EFNA5: variants seen among roughly 807,000 people sequenced by gnomAD.
EFNA5 encodes ephrin A5.
In EFNA5, 5 loss-of-function variants were observed where a neutral mutation model predicts 22.9. That is an observed-to-expected ratio of 0.22 (90% CI 0.11 to 0.46). The LOEUF (loss-of-function observed/expected upper bound fraction) is 0.46, where lower values mean the gene tolerates loss of function less well. EFNA5 is among the 20% of genes least tolerant of loss of function. The pLI is 0.99. For missense variants in EFNA5, 237 were observed against 293.3 expected (o/e 0.81, Z 1.40); for synonymous variants, 113 against 112.2 (o/e 1.01, Z -0.04).
At chr5:107,632,589 T>C (rs1750279048) in intron 1 of EFNA5, among the ~76,000 whole-genome samples, 1 of 152,180 alleles carries the variant, frequency 6.6e-6, no homozygotes, top group South Asian at 2.1e-4. Context: ...TTCATCTTTA[T>C]TATTCTAGTT....
Position 107,541,705 on chromosome 5 carries a change from C to A in EFNA5, c.126-114196G>T, listed in dbSNP as rs115094104. On this transcript the variant is annotated intron_variant, in intron 1 of 4. Transcript: ENST00000333274. The stretch of plus-strand genomic sequence containing the variant: ...AAACTGAAATGAGGAAAAAAAATTT[C>A]TTTTGAAGTAGCCCAAAGCTTAACT... 6.3e-3 allele frequency among the ~76,000 whole-genome samples: 963 copies of A among 152,224 alleles called. 13 individuals carry two copies. Among genetic ancestry groups the A allele is most frequent in the African/African-American group, 0.022 (905 of 41,534 alleles).
chr5:107,548,209 A>T (rs1433041892), intron 1 of EFNA5, among the ~76,000 whole-genome samples: 2 of 152,246 alleles, frequency 1.3e-5, no homozygotes, highest in African/African-American at 4.8e-5. Context: ...AATCCAATTC[A>T]TTATTTCAGT....
Position 107,380,703 on chromosome 5 carries a change from C to G in EFNA5, c.*552G>C. On this transcript the variant is annotated 3_prime_UTR_variant, in exon 5 of 5. Coordinates refer to ENST00000333274, the MANE Select transcript of EFNA5 (RefSeq NM_001962.3). ...TAGAAGCCTGTTCATTTACATACTC[C>G]TATAGGAAATGGTGTAATATCGTAT... The G allele has an allele frequency of 2.5e-6, 1 of 398,224 alleles. No individual in the cohort carries two copies. Among genetic ancestry groups the G allele is most frequent in the Non-Finnish European group, 4.4e-6 (1 of 225,954 alleles). The allele number at this position is 398,224 out of a possible 1,614,324, so 24.7% of individuals were successfully genotyped here.
At chr5:107,417,298 T>G (rs1241201085) in intron 2 of EFNA5, among the ~76,000 whole-genome samples, 2 of 152,208 alleles carry the variant, frequency 1.3e-5, no homozygotes, top group Admixed American at 6.5e-5. Context: ...TGTTCTCCAA[T>G]TCATGATATT....
chr5:107,481,312 T>G (rs1202325254), intron 1 of EFNA5, among the ~76,000 whole-genome samples: 2 of 152,208 alleles, frequency 1.3e-5, no homozygotes, highest in Admixed American at 1.3e-4. Flanking sequence ...TTAACCGATT[T>G]GACATTTCTG....
chr5:107,458,036 C>T (rs1479048109), intron 1 of EFNA5, among the ~76,000 whole-genome samples: 1 of 152,136 alleles, frequency 6.6e-6, no homozygotes, highest in Non-Finnish European at 1.5e-5. Flanking sequence ...CTTCCAAATC[C>T]CATGCTGTTC....
chr5:107,640,963 G>GGTAC (rs753790715), intron 1 of EFNA5, among the ~76,000 whole-genome samples: 6 of 149,364 alleles, frequency 4.0e-5, no homozygotes, highest in African/African-American at 1.5e-4. Flanking sequence ...CTGGTAGGTA[G>GGTAC]GTAGGTAGGC....
rs569878038 is a variant in EFNA5 at position 107,518,237 on chromosome 5, G to C, written c.126-90728C>G. Among the ~76,000 whole-genome samples, 64 of 150,818 alleles carry C rather than the reference G, an allele frequency of 4.2e-4. No individual in the cohort carries two copies. The South Asian group carries it at 6.9e-3, about 16-fold the overall frequency. ...TGCGCCTAATGCTCCTTCAGTGTTT[G>C]CATACACAACTGAGTAATTAGAAAG... On this transcript the variant is annotated intron_variant, in intron 1 of 4. Transcript: ENST00000333274.
intron 1 of EFNA5, among the ~76,000 whole-genome samples, chr5:107,566,408 G>A (rs1397451817): frequency 6.6e-6 from 1 of 152,104 alleles, no homozygotes; most frequent in East Asian, 1.9e-4. Flanking sequence ...ATTTTTGCCA[G>A]GAAAGTTCAA....
chr5:107,518,270 C>T (rs555110057), intron 1 of EFNA5, among the ~76,000 whole-genome samples: 10 of 144,540 alleles, frequency 6.9e-5, no homozygotes, highest in African/African-American at 1.3e-4. Context: ...AAGCCCCACT[C>T]GGAAAAAAAA....
intron 1 of EFNA5, among the ~76,000 whole-genome samples, chr5:107,434,255 A>G (rs58485668): frequency 0.032 from 4,888 of 152,202 alleles, 261 homozygotes; most frequent in African/African-American, 0.11. Context: ...CCTCTTTACT[A>G]AGGTAAGTAG....
At chr5:107,660,281 T>A (rs920915551) in intron 1 of EFNA5, among the ~76,000 whole-genome samples, 11 of 55,612 alleles carry the variant, frequency 2.0e-4, no homozygotes, top group East Asian at 1.6e-3. Context: ...TATATATATA[T>A]ATATATATAT....
intron 1 of EFNA5, among the ~76,000 whole-genome samples, chr5:107,508,428 G>C (rs1285256761): frequency 6.6e-6 from 1 of 152,160 alleles, no homozygotes; most frequent in African/African-American, 2.4e-5. Context: ...GTTTTTTGCT[G>C]TAAAACACTA....
At chr5:107,404,475 T>G (rs375496709) in intron 2 of EFNA5, among the ~76,000 whole-genome samples, 5 of 152,306 alleles carry the variant, frequency 3.3e-5, no homozygotes, top group African/African-American at 1.2e-4. Flanking sequence ...ACTATTAATA[T>G]TTTTATAACA....
intron 1 of EFNA5, among the ~76,000 whole-genome samples, chr5:107,635,510 G>T (rs1328932672): frequency 6.6e-6 from 1 of 152,156 alleles, no homozygotes; most frequent in Non-Finnish European, 1.5e-5. Flanking sequence ...TGAATTTGTA[G>T]ATTTTTTCAC....
chr5:107,573,616 T>C (rs1667893428), intron 1 of EFNA5, among the ~76,000 whole-genome samples: 1 of 152,110 alleles, frequency 6.6e-6, no homozygotes, highest in South Asian at 2.1e-4. Flanking sequence ...TAGTACAGAA[T>C]ACAACAGCGG....
At chr5:107,431,191 A>T (rs1161772820) in intron 1 of EFNA5, among the ~76,000 whole-genome samples, 1 of 152,228 alleles carries the variant, frequency 6.6e-6, no homozygotes, top group East Asian at 1.9e-4. Context: ...AGTAATGTAC[A>T]TTTCAAAGGG....
At chr5:107,543,223 C>G (rs140489124) in intron 1 of EFNA5, among the ~76,000 whole-genome samples, 1 of 152,268 alleles carries the variant, frequency 6.6e-6, no homozygotes, top group African/African-American at 2.4e-5. Context: ...GAGCTAAATT[C>G]ATCCATCAGT....
intron 2 of EFNA5, among the ~76,000 whole-genome samples, chr5:107,407,657 T>C (rs1371210451): frequency 2.0e-5 from 3 of 152,226 alleles, no homozygotes; most frequent in Non-Finnish European, 2.9e-5. Flanking sequence ...AAATGTTTAA[T>C]GAATTTACAT....
Sources: allele counts gnomAD v4.1 joint callset (sites outside exome capture counted in the v4.1 genomes callset), GRCh38; gene constraint gnomAD v4.1.1; transcripts MANE v1.5; gene names NCBI Gene and HGNC (gene_info 2026-07-23, HGNC 2026-07-21).